Variants in TRHDE observed in about 807,000 individuals in gnomAD.
TRHDE encodes thyrotropin releasing hormone degrading enzyme, also known as thyrotropin-releasing hormone-degrading ectoenzyme.
TRHDE carries 72 observed loss-of-function variants against 125.7 expected under a neutral mutation model. The ratio of observed to expected loss-of-function variants is 0.57; its 90% CI spans 0.47 to 0.70. The LOEUF (loss-of-function observed/expected upper bound fraction) is 0.70, where lower values mean the gene tolerates loss of function less well. Among genes scored for constraint, TRHDE ranks in the 30% least tolerant of loss-of-function variants. The pLI, the probability that TRHDE is intolerant of heterozygous loss-of-function variation, is 0.00. For missense variants in TRHDE, 1,110 were observed against 1,327.1 expected, an observed-to-expected ratio of 0.84 and a Z score of 2.54; for synonymous variants, 509 against 509.1, an observed-to-expected ratio of 1.00 and a Z score of 0.00.
chr12:72,363,046 A>G (rs368707306), intron 2 of TRHDE, among the ~76,000 whole-genome samples: 7 of 152,060 alleles, frequency 4.6e-5, no homozygotes, highest in East Asian at 1.9e-4. Context: ...TTGGCGATGC[A>G]GGCTCTTTTT....
In TRHDE at chr12:72,380,763, C is replaced by T. The variant is rs1392156110; in HGVS notation, c.1315+2642C>T. On this transcript the variant is annotated intron_variant, in intron 3 of 18. Transcript: ENST00000261180. Reference sequence around the variant, plus strand: ...CCTTCCTTCCTTCCTTCCTTCCTTCCTTGCTTCCTTCCTTCCTTCCTTCCT... The same window carrying T: ...CCTTCCTTCCTTCCTTCCTTCCTTCTTTGCTTCCTTCCTTCCTTCCTTCCT... Among the ~76,000 whole-genome samples, 23 of 87,684 alleles carry T rather than the reference C, an allele frequency of 2.6e-4. 1 individual carries two copies. Among genetic ancestry groups the T allele is most frequent in the African/African-American group, 1.5e-3 (21 of 13,622 alleles). The allele number at this position is 87,684 out of a possible 152,430, so 57.5% of individuals were successfully genotyped here. A position where few individuals can be genotyped will look rare whatever the true frequency, so the allele number is the denominator to read the frequency against.
At chr12:72,563,644 TAACTC>T (rs1324425236) in intron 9 of TRHDE, among the ~76,000 whole-genome samples, 1 of 152,232 alleles carries the variant, frequency 6.6e-6, no homozygotes, top group African/African-American at 2.4e-5. Context: ...TAATTACTGA[TAACTC>T]AGCAAATAGC....
At chr12:72,481,227 T>A (rs1877153989) in intron 5 of TRHDE, among the ~76,000 whole-genome samples, 1 of 151,990 alleles carries the variant, frequency 6.6e-6, no homozygotes, top group South Asian at 2.1e-4. Context: ...TATGGGACTT[T>A]TCTTTTTTCT....
chr12:72,473,099 G>A lies in TRHDE; in HGVS notation c.1503G>A (p.Trp501Ter). Residue 501 changes from tryptophan (W) to a stop codon, truncating the protein, a stop_gained, in exon 5 of 19, where the codon TGG (tryptophan) becomes TGA (stop). Transcript: ENST00000261180. LOFTEE classifies it high-confidence loss of function. ...GTGACCTTGTGACGCCTGTGTGGTG[G>A]GAAGACGTGTGGCTGAAGGAAGGGT... The part of the protein sequence containing the change: ...WFGDLVTPVW[W>*]EDVWLKEGFA... 1 of 1,613,974 alleles carries A rather than the reference G, an allele frequency of 6.2e-7. No homozygotes were observed. Among genetic ancestry groups the A allele is most frequent in the Non-Finnish European group, 8.5e-7 (1 of 1,179,914 alleles).
At position 72,273,070 on chromosome 12, in the gene TRHDE, C is replaced by G; in HGVS notation, c.427C>G (p.Arg143Gly). The change falls in exon 1 of 19, where the codon CGC becomes GGC. Residue 143 changes from arginine to glycine, a missense_variant. Coordinates refer to ENST00000261180, the MANE Select transcript of TRHDE (RefSeq NM_013381.3). The surrounding 1 kb of genome is among the most constrained non-coding windows in gnomAD (Gnocchi z 5.3). ...GNGSLPGSAR[R>G]NHHAGGDSWQ... ...CGGGAGCCTCCCTGGATCGGCCCGG[C>G]GCAACCACCACGCAGGCGGGGACTC... The G allele has an allele frequency of 6.6e-7, 1 of 1,526,124 alleles. No homozygotes were observed. Among genetic ancestry groups the G allele is most frequent in the Non-Finnish European group, 8.8e-7 (1 of 1,139,338 alleles). 94.5% of individuals were successfully genotyped at this position (1,526,124 alleles called of 1,614,324 possible).
chr12:72,210,000 A>C (rs1229041974), intron 2 of TRHDE, among the ~76,000 whole-genome samples: 1 of 152,208 alleles, frequency 6.6e-6, no homozygotes, highest in Non-Finnish European at 1.5e-5. Context: ...AATAAATGAT[A>C]AGGACATTAT....
At chr12:72,637,967 A>G (rs1873842158) in intron 15 of TRHDE, among the ~76,000 whole-genome samples, 1 of 151,950 alleles carries the variant, frequency 6.6e-6, no homozygotes, top group Non-Finnish European at 1.5e-5. Context: ...GTGCTGAAAA[A>G]AATGTATATT....
At chr12:72,188,360 A>G (rs886905248) in intron 2 of TRHDE, among the ~76,000 whole-genome samples, 1 of 152,256 alleles carries the variant, frequency 6.6e-6, no homozygotes, top group Non-Finnish European at 1.5e-5. Flanking sequence ...TCATTGTGAA[A>G]ATGTATCTCT....
intron 2 of TRHDE, among the ~76,000 whole-genome samples, chr12:72,126,312 C>A (rs1875712561): frequency 6.6e-6 from 1 of 152,116 alleles, no homozygotes; most frequent in African/African-American, 2.4e-5. Flanking sequence ...AATGCTATTC[C>A]TATCAAGCTA....
chr12:72,106,229 C>A (rs1566218181), intron 2 of TRHDE, among the ~76,000 whole-genome samples: 1 of 151,950 alleles, frequency 6.6e-6, no homozygotes, highest in Non-Finnish European at 1.5e-5. Context: ...GTGAAACTAA[C>A]CATATTCAGA....
At chr12:72,246,426 G>A (rs535138897) in intron 2 of TRHDE, among the ~76,000 whole-genome samples, 2 of 152,222 alleles carry the variant, frequency 1.3e-5, no homozygotes, top group Admixed American at 1.3e-4. Flanking sequence ...TATCTGTTCA[G>A]TATTATTTGG....
intron 2 of TRHDE, among the ~76,000 whole-genome samples, chr12:72,221,299 C>G (rs557483908): frequency 2.6e-5 from 4 of 152,090 alleles, no homozygotes; most frequent in African/African-American, 7.2e-5. Flanking sequence ...TCCTCAGGAG[C>G]ATGGAAAGAA....
intron 1 of TRHDE, among the ~76,000 whole-genome samples, chr12:72,091,647 C>G (rs904244677): frequency 6.6e-6 from 1 of 152,160 alleles, no homozygotes; most frequent in African/African-American, 2.4e-5. Context: ...TTGTGATCAA[C>G]TCAGTATACC....
At chr12:72,441,616 C>T (rs888091074) in intron 3 of TRHDE, among the ~76,000 whole-genome samples, 1 of 151,856 alleles carries the variant, frequency 6.6e-6, no homozygotes, top group African/African-American at 2.4e-5. Flanking sequence ...CAGGCAGAAT[C>T]ATAAAATATA....
Position 72,575,396 on chromosome 12 carries a change from C to G in TRHDE, c.2265+8C>G. The stretch of plus-strand genomic sequence containing the variant: ...TTAATCCGGAATCATGAGGTACACT[C>G]CAGATTTGCTTATCAAAGATAATTT... On this transcript the variant is annotated splice_region_variant and intron_variant, in intron 11 of 18. Coordinates refer to ENST00000261180, the MANE Select transcript of TRHDE (RefSeq NM_013381.3). 1 of 1,613,534 alleles carries G rather than the reference C, an allele frequency of 6.2e-7. No individual in the cohort carries two copies.
intron 2 of TRHDE, among the ~76,000 whole-genome samples, chr12:72,223,921 TC>T (rs1878049561): frequency 6.6e-6 from 1 of 151,914 alleles, no homozygotes; most frequent in South Asian, 2.1e-4. Flanking sequence ...CTATCATTTT[TC>T]TTACTTTTTT....
At chr12:72,649,368 C>T (rs1874412772) in intron 15 of TRHDE, among the ~76,000 whole-genome samples, 1 of 151,646 alleles carries the variant, frequency 6.6e-6, no homozygotes, top group Non-Finnish European at 1.5e-5. Flanking sequence ...TGAAATTGGA[C>T]CTTTGTTTTA....
chr12:72,650,792 C>T (rs1396344410), intron 15 of TRHDE, among the ~76,000 whole-genome samples: 1 of 152,024 alleles, frequency 6.6e-6, no homozygotes, highest in Non-Finnish European at 1.5e-5. Flanking sequence ...GGAAAAGACC[C>T]ACTCTGTTTT....
chr12:72,146,968 C>A (rs1036560135), intron 2 of TRHDE, among the ~76,000 whole-genome samples: 10 of 152,186 alleles, frequency 6.6e-5, no homozygotes, highest in African/African-American at 2.4e-4. Flanking sequence ...GGAGTCCGGC[C>A]GCCTAGCAGC....
Sources: allele counts gnomAD v4.1 joint callset (sites outside exome capture counted in the v4.1 genomes callset), GRCh38; gene constraint gnomAD v4.1.1; non-coding constraint Gnocchi (gnomAD v3.1); transcripts MANE v1.5; gene names NCBI Gene and HGNC (gene_info 2026-07-23, HGNC 2026-07-21).